The following DOCK3 variants were observed in gnomAD, a reference collection of about 807,000 sequenced individuals.
DOCK3 encodes the protein dedicator of cytokinesis protein 3.
In DOCK3, 60 loss-of-function variants were observed where a neutral mutation model predicts 265.6. That is an observed-to-expected ratio of 0.23 (90% CI 0.18 to 0.28). The LOEUF (loss-of-function observed/expected upper bound fraction) is 0.28. Ranked by LOEUF, DOCK3 falls within the 10% of genes least tolerant of loss-of-function variation. The pLI is 1.00. For synonymous variants in DOCK3, 881 were observed against 938.0 expected (o/e 0.94, Z 1.11); for missense variants, 1,981 against 2,594.3 (o/e 0.76, Z 5.14).
At chr3:50,807,198 G>C (rs1049383045) in intron 2 of DOCK3, among the ~76,000 whole-genome samples, 4 of 150,984 alleles carry the variant, frequency 2.6e-5, no homozygotes, top group African/African-American at 9.7e-5. Flanking sequence ...GGTTCTTGTG[G>C]AGGAGACAAG....
intron 1 of DOCK3, among the ~76,000 whole-genome samples, chr3:50,715,015 A>C (rs1422900891): frequency 1.3e-5 from 2 of 152,216 alleles, no homozygotes; most frequent in Non-Finnish European, 2.9e-5. Flanking sequence ...AATTGCACTC[A>C]ACATATTTTA....
chr3:51,294,677 C>CAAAA (rs59339067), intron 27 of DOCK3, among the ~76,000 whole-genome samples: 28 of 119,860 alleles, frequency 2.3e-4, no homozygotes, highest in African/African-American at 8.3e-4. Context: ...GACTCTATCT[C>CAAAA]AAAAAAAAAA....
chr3:51,248,907 C>T (rs1235395412), intron 22 of DOCK3, among the ~76,000 whole-genome samples: 2 of 149,976 alleles, frequency 1.3e-5, no homozygotes, highest in African/African-American at 4.9e-5. Flanking sequence ...AGGTGAGGAG[C>T]GTCTCTGCCC....
intron 2 of DOCK3, among the ~76,000 whole-genome samples, chr3:50,814,664 G>T (rs2043966056): frequency 6.6e-6 from 1 of 152,044 alleles, no homozygotes; most frequent in African/African-American, 2.4e-5. Context: ...ATAGATTTTT[G>T]AAGAGGCATT....
At chr3:51,077,523 A>C (rs964541364) in intron 7 of DOCK3, among the ~76,000 whole-genome samples, 29 of 152,200 alleles carry the variant, frequency 1.9e-4, no homozygotes, top group African/African-American at 6.3e-4. Flanking sequence ...GATTCTGAAT[A>C]TATTTTGAAG....
Position 51,280,168 on chromosome 3 carries a change from C to A in DOCK3, c.2886C>A (p.His962Gln). Residue 962 changes from histidine to glutamine, a missense_variant, in exon 27 of 53, where the codon CAC (histidine) becomes CAA (glutamine). His to Gln is a conservative substitution (Grantham distance 24). Around this residue, in one of 4 missense-constraint regions of DOCK3, gnomAD observed 1,357 missense variants for 1,866.8 expected, o/e 0.73. Coordinates refer to ENST00000266037, the MANE Select transcript of DOCK3 (RefSeq NM_004947.5). ...LRQMCDTHFQ[H>Q]LLDNFQSKDE... ...AGATGTGTGACACCCATTTCCAGCA[C>A]CTCCTGGACAACTTCCAGAGCAAAG... 1.2e-6 allele frequency: 2 copies of A among 1,613,858 alleles called. No homozygotes were observed. The highest frequency in any genetic ancestry group is 1.7e-6 in the Non-Finnish European group (2 of 1,179,856).
At position 51,081,678 on chromosome 3, in the gene DOCK3, G is replaced by A. The variant is rs113952853; in HGVS notation, c.549+6238G>A. Among the ~76,000 whole-genome samples, 8 of 152,108 alleles carry A rather than the reference G, an allele frequency of 5.3e-5. 2 individuals are homozygous for A. Among genetic ancestry groups the A allele is most frequent in the African/African-American group, 1.7e-4 (7 of 41,510 alleles). ...TGGGAGGCCAAGGCAGACAGATCAC[G>A]AGGTCAGGAGATTGAGACCATCCTG... On this transcript the variant is annotated intron_variant, in intron 7 of 52. Coordinates refer to ENST00000266037, the MANE Select transcript of DOCK3 (RefSeq NM_004947.5).
intron 5 of DOCK3, among the ~76,000 whole-genome samples, chr3:51,002,988 C>G (rs1222101442): frequency 6.6e-6 from 1 of 151,862 alleles, no homozygotes; most frequent in Non-Finnish European, 1.5e-5. Flanking sequence ...TGTGGTATGC[C>G]CTGACTAGTC....
intron 2 of DOCK3, among the ~76,000 whole-genome samples, chr3:50,781,693 CAG>C (rs1229738865): frequency 2.6e-5 from 4 of 152,052 alleles, no homozygotes; most frequent in Non-Finnish European, 4.4e-5. Context: ...ACTCATGTCA[CAG>C]GGGTTTGTTG....
rs368819970 is a variant in DOCK3, at chr3:50,925,824, CTTTT to C, written c.219-8136_219-8133del. On this transcript the variant is annotated intron_variant, in intron 4 of 52. Coordinates refer to ENST00000266037, the MANE Select transcript of DOCK3 (RefSeq NM_004947.5). ...TCAGCAGCTACTAGGTAAAACTAGT[CTTTT>C]TTTTTTTTTTTTTTTTTTTTGAGAC... is the stretch of plus-strand genomic sequence containing the variant. 2.3e-3 allele frequency among the ~76,000 whole-genome samples: 205 copies of C among 88,404 alleles called. 1 individual carries two copies. Among genetic ancestry groups the C allele is most frequent in the African/African-American group, 9.9e-3 (191 of 19,384 alleles). The allele number at this position is 88,404 out of a possible 152,430, so 58.0% of individuals were successfully genotyped here.
At chr3:51,267,894 G>T (rs1026288595) in intron 23 of DOCK3, among the ~76,000 whole-genome samples, 2 of 152,112 alleles carry the variant, frequency 1.3e-5, no homozygotes, top group Non-Finnish European at 2.9e-5. Flanking sequence ...CACAGGAACA[G>T]AAAACCAAAC....
rs762181277 is a variant in DOCK3 at position 51,356,214 on chromosome 3, C to T, written c.4375C>T (p.Pro1459Ser). 6.2e-7 allele frequency: 1 copy of T among 1,613,970 alleles called. No homozygotes were observed. The highest frequency in any genetic ancestry group is 8.5e-7 in the Non-Finnish European group (1 of 1,179,882). Residue 1459 changes from proline (P) to serine (S), a missense_variant, in exon 42 of 53, where the codon CCT becomes TCT. Transcript: ENST00000266037. ...NNVRKFRYDR[P>S]FHKGPKDKEN... ...TGTGAGGAAGTTCCGGTATGACAGG[C>T]CTTTTCACAAAGGCCCCAAGGACAA... is the stretch of plus-strand genomic sequence containing the variant.
At chr3:50,839,653 T>C (rs1158838111) in intron 2 of DOCK3, among the ~76,000 whole-genome samples, 1 of 151,722 alleles carries the variant, frequency 6.6e-6, no homozygotes, top group East Asian at 1.9e-4. Context: ...TGGTGAAGTG[T>C]CTGTTTAGAT....
chr3:51,259,288 AT>A (rs150865696), intron 22 of DOCK3, among the ~76,000 whole-genome samples: 7 of 152,288 alleles, frequency 4.6e-5, no homozygotes, highest in Non-Finnish European at 7.4e-5. Flanking sequence ...TAGTTTGGGA[AT>A]TGTTTCCTGT....
intron 2 of DOCK3, among the ~76,000 whole-genome samples, chr3:50,800,860 C>T (rs145462359): frequency 1.5e-3 from 234 of 152,102 alleles, no homozygotes; most frequent in Middle Eastern, 3.4e-3. Flanking sequence ...TGGGATCTTA[C>T]GATTCTATTT....
At chr3:50,901,083 C>T in intron 4 of DOCK3, 1 of 281,880 alleles carries the variant, frequency 3.5e-6, no homozygotes, top group Non-Finnish European at 7.1e-6. Flanking sequence ...GCTGCCGCCC[C>T]TTCCCCTAGG....
In DOCK3 at chr3:51,381,257, C is replaced by T; in HGVS notation, c.5791C>T (p.Pro1931Ser). The T allele has an allele frequency of 3.7e-6, 6 of 1,613,874 alleles. No homozygotes were observed. The South Asian group carries it at 5.5e-5, about 15-fold the overall frequency. ...GAATGCTGACGAAGATCTTGAGCCA[C>T]CCTACCTCCCTGTCCACTACAGCCT... ...AWNADEDLEP[P>S]YLPVHYSLSE... Residue 1931 changes from proline to serine, a missense_variant, in exon 53 of 53, where the codon CCC becomes TCC. Physicochemically the swap from Pro to Ser is moderately conservative, Grantham distance 74. This residue lies in a region of DOCK3 where 149 missense variants were observed against 144.7 expected (regional missense o/e 1.03). Transcript: ENST00000266037. This position sits in a 1 kb window ranked among gnomAD's most constrained non-coding sequence, Gnocchi z 5.6.
chr3:51,007,592 T>C (rs2078736838), intron 5 of DOCK3, among the ~76,000 whole-genome samples: 2 of 152,352 alleles, frequency 1.3e-5, no homozygotes, highest in South Asian at 4.1e-4. Flanking sequence ...CTGATGGTAG[T>C]TTCTTTTGCT....
intron 4 of DOCK3, among the ~76,000 whole-genome samples, chr3:50,916,023 C>G (rs150245860): frequency 0.012 from 1,781 of 152,092 alleles, 37 homozygotes; most frequent in Non-Finnish European, 0.014. Context: ...CTGCTCGCCC[C>G]CAGAGCAAGA....
Sources: gnomAD v4.1 joint callset for allele counts (sites outside exome capture counted in the v4.1 genomes callset) on GRCh38, gnomAD v4.1.1 for gene constraint, gnomAD v4.1.1 regional missense constraint, Gnocchi (gnomAD v3.1) non-coding constraint, MANE v1.5 for transcripts, NCBI Gene and HGNC (gene_info 2026-07-23, HGNC 2026-07-21) for gene names.